Variants in LRP6 observed in about 807,000 individuals in gnomAD.
The protein encoded by LRP6 is low-density lipoprotein receptor-related protein 6.
In LRP6, 43 loss-of-function variants were observed where a neutral mutation model predicts 184.1. The ratio of observed to expected loss-of-function variants is 0.23; its 90% CI spans 0.18 to 0.30. The LOEUF (loss-of-function observed/expected upper bound fraction) is 0.30, where lower values mean the gene tolerates loss of function less well. Among genes scored for constraint, LRP6 ranks in the 10% least tolerant of loss-of-function variants. The probability of loss-of-function intolerance (pLI) is 1.00; values close to 1 mark genes in which losing one functional copy is unlikely to be tolerated. For missense variants in LRP6, 1,571 were observed against 2,005.3 expected (o/e 0.78, Z 4.14); for synonymous variants, 719 against 684.9 (o/e 1.05, Z -0.78).
chr12:12,159,538 G>GT (rs1467492610), intron 11 of LRP6, among the ~76,000 whole-genome samples: 2 of 152,144 alleles, frequency 1.3e-5, no homozygotes, highest in Admixed American at 1.3e-4. Context: ...CATTTCAGGA[G>GT]TATCTAGGGA....
intron 15 of LRP6, among the ~76,000 whole-genome samples, chr12:12,145,624 CTTTTTT>C (rs1157764946): frequency 1.2e-4 from 10 of 80,314 alleles, no homozygotes; most frequent in African/African-American, 3.3e-4. Flanking sequence ...TTTTCTTTTT[CTTTTTT>C]TTTTTTTTTT....
At chr12:12,237,998 C>T (rs1864966677) in intron 2 of LRP6, among the ~76,000 whole-genome samples, 1 of 152,122 alleles carries the variant, frequency 6.6e-6, no homozygotes, top group South Asian at 2.1e-4. Context: ...GTGAAAGTTA[C>T]ACTAGAGCTA....
intron 2 of LRP6, among the ~76,000 whole-genome samples, chr12:12,203,934 G>C (rs1316376481): frequency 6.6e-6 from 1 of 152,134 alleles, no homozygotes; most frequent in Non-Finnish European, 1.5e-5. Flanking sequence ...GAATCAAAAT[G>C]TATTGGTAAA....
rs144175121 is a variant in LRP6, at chr12:12,125,309, G to A, written c.4436C>T (p.Thr1479Ile). Residue 1479 changes from threonine to isoleucine, a missense_variant, in exon 21 of 23, where the codon ACT becomes ATT. Around this residue, in one of 4 missense-constraint regions of LRP6, gnomAD observed 763 missense variants for 859.5 expected, o/e 0.89. Transcript: ENST00000261349. Reference protein sequence around the residue: ...SSSSSSSTKGTYFPAILNPPP... With the variant: ...SSSSSSSTKGIYFPAILNPPP... Reference sequence around the variant, plus strand: ...CAGACTACTTACTGCAGGGAAGTAAGTGCCTTTGGTGCTTGAAGAACTACT... The same window carrying A: ...CAGACTACTTACTGCAGGGAAGTAAATGCCTTTGGTGCTTGAAGAACTACT... 1,036 of 1,614,078 alleles carry A rather than the reference G, an allele frequency of 6.4e-4. 1 individual carries two copies. Among genetic ancestry groups the A allele is most frequent in the Non-Finnish European group, 8.4e-4 (993 of 1,179,978 alleles).
At chr12:12,195,833 T>TAG (rs1863741027) in intron 3 of LRP6, among the ~76,000 whole-genome samples, 1 of 152,194 alleles carries the variant, frequency 6.6e-6, no homozygotes, top group Admixed American at 6.5e-5. Flanking sequence ...GTCTTACCCT[T>TAG]AGGTCTTTGA....
intron 22 of LRP6, among the ~76,000 whole-genome samples, chr12:12,123,783 TTTC>T (rs1430342953): frequency 6.6e-6 from 1 of 152,230 alleles, no homozygotes; most frequent in Non-Finnish European, 1.5e-5. Context: ...TATTTCAATC[TTTC>T]TTTATTCCAT....
chr12:12,198,935 A>G (rs773468738), intron 3 of LRP6, among the ~76,000 whole-genome samples: 2 of 152,152 alleles, frequency 1.3e-5, no homozygotes, highest in African/African-American at 4.8e-5. Flanking sequence ...TGAAGATTTG[A>G]AAAATAATTC....
At chr12:12,249,669 ACAG>A in intron 1 of LRP6, among the ~76,000 whole-genome samples, 1 of 137,604 alleles carries the variant, frequency 7.3e-6, no homozygotes. Context: ...TTGTGCTATA[ACAG>A]AAGGAAGGAA....
At chr12:12,142,237 AAAC>A (rs1392569647) in intron 15 of LRP6, among the ~76,000 whole-genome samples, 2 of 152,302 alleles carry the variant, frequency 1.3e-5, no homozygotes, top group African/African-American at 4.8e-5. Flanking sequence ...AATTAAAATT[AAAC>A]AATAAAGAAG....
intron 2 of LRP6, among the ~76,000 whole-genome samples, chr12:12,226,163 A>G (rs1864617424): frequency 6.6e-6 from 1 of 152,244 alleles, no homozygotes; most frequent in South Asian, 2.1e-4. Flanking sequence ...ATGGCTGACT[A>G]AACAACTGAA....
rs138902458 is a variant in LRP6 at position 12,121,168 on chromosome 12, G to C, written c.4800C>G (p.His1600Gln). The C allele has an allele frequency of 3.9e-5, 63 of 1,613,760 alleles. 1 individual carries two copies. Among genetic ancestry groups the C allele is most frequent in the Admixed American group, 1.0e-4 (6 of 59,990 alleles). ...AGGGAGAGGGTGGCGGTGGGTAGAG[G>C]TGATGAGAATAGCTCCTCTCTGTGT... ...SPYTERSYSH[H>Q]LYPPPPSPCT... The change falls in exon 23 of 23, where the codon CAC (histidine) becomes CAG (glutamine). Residue 1600 changes from histidine (H) to glutamine (Q), a missense_variant. His to Gln is a conservative substitution (Grantham distance 24, BLOSUM62 0). Coordinates refer to ENST00000261349, the MANE Select transcript of LRP6 (RefSeq NM_002336.3).
chr12:12,198,868 G>A (rs1243593086), intron 3 of LRP6, among the ~76,000 whole-genome samples: 2 of 151,652 alleles, frequency 1.3e-5, no homozygotes, highest in Non-Finnish European at 2.9e-5. Context: ...ATGTCATATT[G>A]GTTCCTCAAT....
At chr12:12,134,949 G>C (rs1234726533) in intron 17 of LRP6, among the ~76,000 whole-genome samples, 1 of 152,140 alleles carries the variant, frequency 6.6e-6, no homozygotes, top group Non-Finnish European at 1.5e-5. Context: ...CTCACACGTG[G>C]AGTGTAAAAA....
intron 2 of LRP6, among the ~76,000 whole-genome samples, chr12:12,219,425 G>A (rs896739385): frequency 5.3e-5 from 8 of 152,126 alleles, no homozygotes; most frequent in East Asian, 1.9e-4. Context: ...GGATGGTATC[G>A]GTCTCTTGAC....
At chr12:12,138,196 C>CA (rs1949873672) in intron 16 of LRP6, 129 bp downstream of exon 16, 4 of 857,634 alleles carry the variant, frequency 4.7e-6, no homozygotes, top group African/African-American at 1.7e-5. Flanking sequence ...ATGGAGAGTT[C>CA]AAAAAAATGG....
At chr12:12,234,392 G>A (rs1864877181) in intron 2 of LRP6, among the ~76,000 whole-genome samples, 1 of 152,102 alleles carries the variant, frequency 6.6e-6, no homozygotes, top group South Asian at 2.1e-4. Context: ...GGAGGTTGCA[G>A]TGAGCCCAGA....
intron 2 of LRP6, among the ~76,000 whole-genome samples, chr12:12,217,437 T>A (rs961268416): frequency 4.6e-5 from 7 of 152,116 alleles, no homozygotes; most frequent in African/African-American, 1.7e-4. Flanking sequence ...TACATCACAA[T>A]GTAATAATAA....
At chr12:12,177,402 T>A (rs890264108) in intron 7 of LRP6, among the ~76,000 whole-genome samples, 1 of 152,120 alleles carries the variant, frequency 6.6e-6, no homozygotes, top group Non-Finnish European at 1.5e-5. Context: ...AAATTATACA[T>A]CTTTGTAAAA....
chr12:12,140,207 C>A (rs1040875432), intron 15 of LRP6, among the ~76,000 whole-genome samples: 16 of 147,930 alleles, frequency 1.1e-4, no homozygotes, highest in Admixed American at 2.7e-4. Flanking sequence ...AAAAAAAAAA[C>A]AAAAAACCTA....
Sources: allele counts gnomAD v4.1 joint callset (sites outside exome capture counted in the v4.1 genomes callset), GRCh38; gene constraint gnomAD v4.1.1; regional missense constraint gnomAD v4.1.1; transcripts MANE v1.5; gene names NCBI Gene and HGNC (gene_info 2026-07-23, HGNC 2026-07-21).